CPA6: variants seen among roughly 807,000 people sequenced by gnomAD.
CPA6 encodes the protein carboxypeptidase B.
CPA6 carries 58 observed loss-of-function variants against 63.3 expected under a neutral mutation model. The ratio of observed to expected loss-of-function variants is 0.92; its 90% CI spans 0.74 to 1.14. The LOEUF (loss-of-function observed/expected upper bound fraction) is 1.14, where lower values mean the gene tolerates loss of function less well. CPA6 is among the 50% of genes most tolerant of loss of function. CPA6 has a pLI of 0.00. For synonymous variants in CPA6, 185 were observed against 179.0 expected (o/e 1.03, Z -0.27); for missense variants, 565 against 526.6 (o/e 1.07, Z -0.71).
chr8:67,721,912 T>G (rs2129001867), intron 1 of CPA6, among the ~76,000 whole-genome samples: 1 of 152,358 alleles, frequency 6.6e-6, no homozygotes, highest in African/African-American at 2.4e-5. Context: ...GTAAATGGAC[T>G]GTAACCTACT....
intron 2 of CPA6, among the ~76,000 whole-genome samples, chr8:67,555,559 G>C (rs1355851917): frequency 1.3e-5 from 2 of 152,158 alleles, no homozygotes; most frequent in African/African-American, 2.4e-5. Context: ...TGTAGGTAAA[G>C]CACTTTCCTG....
At chr8:67,713,595 G>T (rs1817318510) in intron 1 of CPA6, among the ~76,000 whole-genome samples, 1 of 152,180 alleles carries the variant, frequency 6.6e-6, no homozygotes. Context: ...CACATTTTGT[G>T]TAACAAGTAG....
intron 1 of CPA6, among the ~76,000 whole-genome samples, chr8:67,712,870 C>A (rs1817291746): frequency 6.6e-6 from 1 of 151,676 alleles, no homozygotes; most frequent in African/African-American, 2.4e-5. Flanking sequence ...GTACACGGAC[C>A]CGCCTGTGAG....
At chr8:67,640,019 T>C (rs1454337769) in intron 1 of CPA6, among the ~76,000 whole-genome samples, 1 of 151,352 alleles carries the variant, frequency 6.6e-6, no homozygotes, top group Non-Finnish European at 1.5e-5. Flanking sequence ...GTAGCTTCTC[T>C]CTGTAGCTGG....
chr8:67,436,842 T>C (rs935740419), intron 8 of CPA6, among the ~76,000 whole-genome samples: 6 of 152,190 alleles, frequency 3.9e-5, no homozygotes, highest in African/African-American at 1.4e-4. Context: ...CTTCCCTAAC[T>C]CTAGAAAATG....
chr8:67,708,290 T>C (rs1484025389), intron 1 of CPA6, among the ~76,000 whole-genome samples: 4 of 152,240 alleles, frequency 2.6e-5, no homozygotes, highest in Non-Finnish European at 5.9e-5. Flanking sequence ...TAAAGTTTAT[T>C]CTGCAAACAA....
At position 67,424,779 on chromosome 8, in the gene CPA6, C is replaced by T. The variant is rs140679452; in HGVS notation, c.1127-2088G>A. ...CTTCTTTTTGAAGATTACCAATGAC[C>T]TCAGGCCTAGCCTCTTTTTCTGTTT... On this transcript the variant is annotated intron_variant, in intron 10 of 10. Transcript: ENST00000297770. Among the ~76,000 whole-genome samples the T allele has an allele frequency of 5.9e-5, 9 of 152,336 alleles. No individual in the cohort carries two copies. The East Asian group carries it at 1.7e-3, about 29-fold the overall frequency.
chr8:67,726,470 T>C (rs1817598398), intron 1 of CPA6, among the ~76,000 whole-genome samples: 1 of 152,124 alleles, frequency 6.6e-6, no homozygotes, highest in Non-Finnish European at 1.5e-5. Context: ...TAATTGATGG[T>C]GCAAGAAACT....
chr8:67,602,390 A>T (rs1814518347), intron 2 of CPA6, among the ~76,000 whole-genome samples: 1 of 152,182 alleles, frequency 6.6e-6, no homozygotes. Context: ...TCCTTTGAAC[A>T]TCTTGAATTT....
chr8:67,422,743 A>G (rs1350623857), intron 10 of CPA6, 52 bp from the exon 11 acceptor site: 1 of 1,385,028 alleles, frequency 7.2e-7, no homozygotes, highest in East Asian at 2.3e-5. Flanking sequence ...GAGTCAGTAT[A>G]ATTTTCTAAA....
intron 9 of CPA6, among the ~76,000 whole-genome samples, chr8:67,428,532 G>T (rs2128951399): frequency 6.6e-6 from 1 of 152,162 alleles, no homozygotes; most frequent in East Asian, 1.9e-4. Flanking sequence ...CGCCCAGGCT[G>T]GAGTGCAATG....
At chr8:67,525,922 G>A (rs537546420) in intron 2 of CPA6, among the ~76,000 whole-genome samples, 41 of 152,306 alleles carry the variant, frequency 2.7e-4, no homozygotes, top group African/African-American at 9.4e-4. Flanking sequence ...TGGGTACAAT[G>A]CATATTATTT....
At chr8:67,714,217 G>A (rs1427356113) in intron 1 of CPA6, among the ~76,000 whole-genome samples, 2 of 152,132 alleles carry the variant, frequency 1.3e-5, no homozygotes, top group Non-Finnish European at 2.9e-5. Context: ...CCACTCTCAA[G>A]ATATAGAGGA....
intron 8 of CPA6, among the ~76,000 whole-genome samples, chr8:67,471,085 C>G (rs1433433104): frequency 6.6e-6 from 1 of 152,128 alleles, no homozygotes; most frequent in Non-Finnish European, 1.5e-5. Context: ...ACTTCTGCCT[C>G]TTCTTCTACT....
intron 1 of CPA6, among the ~76,000 whole-genome samples, chr8:67,660,327 T>TG (rs1816080471): frequency 8.5e-6 from 1 of 117,748 alleles, no homozygotes; most frequent in African/African-American, 3.6e-5. Context: ...TGCAGGTTTT[T>TG]TTTTTTTTTT....
intron 5 of CPA6, among the ~76,000 whole-genome samples, chr8:67,508,165 C>A (rs1312697762): frequency 6.6e-6 from 1 of 151,628 alleles, no homozygotes; most frequent in African/African-American, 2.4e-5. Flanking sequence ...GCCACTACTG[C>A]AATAGTCCAG....
chr8:67,670,715 T>C (rs112494149), intron 1 of CPA6, among the ~76,000 whole-genome samples: 10 of 152,298 alleles, frequency 6.6e-5, no homozygotes, highest in African/African-American at 2.4e-4. Flanking sequence ...TCGGGCCTAC[T>C]AGCAGTGGTG....
intron 1 of CPA6, among the ~76,000 whole-genome samples, chr8:67,741,124 G>C (rs942331350): frequency 2.0e-4 from 30 of 152,104 alleles, no homozygotes; most frequent in African/African-American, 7.0e-4. Flanking sequence ...AAGAAGAAGG[G>C]GGAAGAAACT....
At chr8:67,498,229 C>T (rs1048426373) in intron 6 of CPA6, among the ~76,000 whole-genome samples, 1 of 152,002 alleles carries the variant, frequency 6.6e-6, no homozygotes, top group African/African-American at 2.4e-5. Flanking sequence ...TCCCTCTTGG[C>T]CCATGACAAA....
Sources: allele counts gnomAD v4.1 joint callset (sites outside exome capture counted in the v4.1 genomes callset), GRCh38; gene constraint gnomAD v4.1.1; transcripts MANE v1.5; gene names NCBI Gene and HGNC (gene_info 2026-07-23, HGNC 2026-07-21).